PPP2R2A: variants seen among roughly 807,000 people sequenced by gnomAD.
PPP2R2A encodes serine/threonine-protein phosphatase 2A 55 kDa regulatory subunit B alpha isoform.
PPP2R2A carries 9 observed loss-of-function variants against 53.2 expected under a neutral mutation model. The ratio of observed to expected loss-of-function variants is 0.17; its 90% CI spans 0.10 to 0.30. PPP2R2A has a LOEUF of 0.30. Ranked by LOEUF, PPP2R2A falls within the 10% of genes least tolerant of loss-of-function variation. The pLI, the probability that PPP2R2A is intolerant of heterozygous loss-of-function variation, is 1.00. For synonymous variants in PPP2R2A, 169 were observed against 174.2 expected, an observed-to-expected ratio of 0.97 and a Z score of 0.23; for missense variants, 235 against 534.6, an observed-to-expected ratio of 0.44 and a Z score of 5.53.
intron 1 of PPP2R2A, 65 bp from the exon 2 acceptor site, chr8:26,293,601 C>T: frequency 6.1e-6 from 9 of 1,467,266 alleles, no homozygotes; most frequent in Non-Finnish European, 8.5e-6. Context: ...TGGATACCAT[C>T]TTTGTGTTTA....
chr8:26,307,700 T>C (rs998841865), intron 2 of PPP2R2A, among the ~76,000 whole-genome samples: 1 of 152,242 alleles, frequency 6.6e-6, no homozygotes, highest in Non-Finnish European at 1.5e-5. Flanking sequence ...GTCTGAGAAA[T>C]TTAAAAAATA....
At chr8:26,329,478 A>G (rs1174840989) in intron 2 of PPP2R2A, among the ~76,000 whole-genome samples, 1 of 152,094 alleles carries the variant, frequency 6.6e-6, no homozygotes, top group Non-Finnish European at 1.5e-5. Flanking sequence ...CATTCTCACC[A>G]TACCTTTTAT....
intron 3 of PPP2R2A, among the ~76,000 whole-genome samples, chr8:26,340,634 C>G (rs1206731115): frequency 6.6e-6 from 1 of 152,032 alleles, no homozygotes; most frequent in Non-Finnish European, 1.5e-5. Flanking sequence ...TAATTTGGAA[C>G]TATTTTGCCT....
At chr8:26,369,393 A>AT (rs576516853) in intron 9 of PPP2R2A, among the ~76,000 whole-genome samples, 342 of 143,360 alleles carry the variant, frequency 2.4e-3, no homozygotes, top group Admixed American at 3.9e-3. Flanking sequence ...CACCCAGCTA[A>AT]TTTTTTTTTT....
At chr8:26,305,456 G>A (rs753463587) in intron 2 of PPP2R2A, among the ~76,000 whole-genome samples, 4 of 152,118 alleles carry the variant, frequency 2.6e-5, no homozygotes, top group Non-Finnish European at 5.9e-5. Context: ...CAGTTTAAAG[G>A]ATTTAGAGAT....
In PPP2R2A at chr8:26,338,034, T is replaced by C. The variant is rs1317400008; in HGVS notation, c.83-856T>C. The stretch of plus-strand genomic sequence containing the variant: ...GTAGACCAGAGGATGTCTGTTCTTT[T>C]ATAAAGCTGATTTATTTTAAATGCA... On this transcript the variant is annotated intron_variant, in intron 2 of 9. Transcript: ENST00000380737. This position sits in a 1 kb window ranked among gnomAD's most constrained non-coding sequence, Gnocchi z 4.5. Among the ~76,000 whole-genome samples, 1 of 152,262 alleles carries C rather than the reference T, an allele frequency of 6.6e-6. No homozygotes were observed. Among genetic ancestry groups the C allele is most frequent in the Non-Finnish European group, 1.5e-5 (1 of 68,048 alleles).
rs1054329703 is a variant in PPP2R2A at position 26,362,953 on chromosome 8, G to A, written c.802+105G>A. 4 of 1,121,520 alleles carry A rather than the reference G, an allele frequency of 3.6e-6. No homozygotes were observed. In the South Asian group the frequency reaches 4.3e-5, roughly 12 times the overall value. 69.5% of individuals were successfully genotyped at this position (1,121,520 alleles called of 1,614,324 possible). ...TACAGAGGTTCAAAGTCTTAAACCC[G>A]TGTGTCCAGAGCCACTTGTACCCTT... On this transcript the variant is annotated intron_variant, in intron 7 of 9. Coordinates refer to ENST00000380737, the MANE Select transcript of PPP2R2A (RefSeq NM_002717.4). This position sits in a 1 kb window ranked among gnomAD's most constrained non-coding sequence, Gnocchi z 4.4.
rs148077226 is a variant in PPP2R2A, at chr8:26,308,857, A to AATAT, written c.82+15131_82+15134dup. Among the ~76,000 whole-genome samples the AATAT allele has an allele frequency of 8.7e-5, 13 of 149,608 alleles. No individual in the cohort carries two copies. In the South Asian group the frequency reaches 1.3e-3, roughly 15 times the overall value. On this transcript the variant is annotated intron_variant, in intron 2 of 9. Transcript: ENST00000380737. ...GTCTATGTCAGTTACAGCCTTACAA[A>AATAT]ATATATATATATATATACTTTTTTT...
At chr8:26,318,466 G>A (rs901654663) in intron 2 of PPP2R2A, among the ~76,000 whole-genome samples, 1 of 152,156 alleles carries the variant, frequency 6.6e-6, no homozygotes, top group African/African-American at 2.4e-5. Flanking sequence ...ATGAAATAAT[G>A]TGGCATGGGT....
intron 2 of PPP2R2A, among the ~76,000 whole-genome samples, chr8:26,294,721 A>AT (rs1197024913): frequency 6.6e-6 from 1 of 151,352 alleles, no homozygotes; most frequent in Non-Finnish European, 1.5e-5. Context: ...TGTTCTGGAG[A>AT]TTTTTTTTCA....
chr8:26,316,758 A>G (rs1468184732), intron 2 of PPP2R2A, among the ~76,000 whole-genome samples: 1 of 152,084 alleles, frequency 6.6e-6, no homozygotes, highest in Admixed American at 6.5e-5. Context: ...AGAAGGGACA[A>G]GGGCTTTCTC....
chr8:26,350,647 CCT>C (rs1391950913), intron 3 of PPP2R2A: 2 of 151,996 alleles, frequency 1.3e-5, no homozygotes, highest in African/African-American at 4.8e-5. Flanking sequence ...CTCAAGCAAT[CCT>C]CTGTCTTGGC....
chr8:26,294,282 A>G (rs1801442223), intron 2 of PPP2R2A, among the ~76,000 whole-genome samples: 1 of 152,184 alleles, frequency 6.6e-6, no homozygotes, highest in Non-Finnish European at 1.5e-5. Context: ...TCTGGTATTT[A>G]GGTGGATAAG....
rs150744483 is a variant in PPP2R2A at position 26,314,716 on chromosome 8, C to G, written c.82+20976C>G. ...CATTCTGTTTACTGATTTTTCCTTT[C>G]TGGATGATGTGCTTTGGTGTGGGTC... On this transcript the variant is annotated intron_variant, in intron 2 of 9. Coordinates refer to ENST00000380737, the MANE Select transcript of PPP2R2A (RefSeq NM_002717.4). 3.1e-3 allele frequency among the ~76,000 whole-genome samples: 478 copies of G among 152,258 alleles called. 1 individual carries two copies. Among genetic ancestry groups the G allele is most frequent in the African/African-American group, 0.011 (456 of 41,530 alleles).
In PPP2R2A at chr8:26,370,615, A is replaced by T; in HGVS notation, c.*202A>T. The T allele has an allele frequency of 1.6e-6, 1 of 639,372 alleles. No individual in the cohort carries two copies. The highest frequency in any genetic ancestry group is 2.6e-6 in the Non-Finnish European group (1 of 377,474). The allele number at this position is 639,372 out of a possible 1,614,324, so 39.6% of individuals were successfully genotyped here. The stretch of plus-strand genomic sequence containing the variant: ...GTGGTGTTCTCCATGTCTGCTAGCC[A>T]TTTAGGTAAGGGTAGGGCACTTTTA... On this transcript the variant is annotated 3_prime_UTR_variant, in exon 10 of 10. Coordinates refer to ENST00000380737, the MANE Select transcript of PPP2R2A (RefSeq NM_002717.4). This position sits in a 1 kb window ranked among gnomAD's most constrained non-coding sequence, Gnocchi z 6.1.
At chr8:26,308,815 C>T (rs955857269) in intron 2 of PPP2R2A, among the ~76,000 whole-genome samples, 1 of 152,112 alleles carries the variant, frequency 6.6e-6, no homozygotes, top group African/African-American at 2.4e-5. Context: ...TTGCCCAGAT[C>T]TTTAAGCGGA....
chr8:26,360,598 G>T lies in PPP2R2A; in HGVS notation c.459+317G>T. 7.1e-6 allele frequency: 2 copies of T among 281,828 alleles called. No homozygotes were observed. Among genetic ancestry groups the T allele is most frequent in the Non-Finnish European group, 1.3e-5 (2 of 153,984 alleles). 17.5% of individuals were successfully genotyped at this position (281,828 alleles called of 1,614,324 possible). A position where few individuals can be genotyped will look rare whatever the true frequency, so the allele number is the denominator to read the frequency against. Reference sequence around the variant, plus strand: ...ATTTTCTTTGGAAATCAAAAAAGTAGATACAGATCAAATCTTCTAGTTGTA... The same window carrying T: ...ATTTTCTTTGGAAATCAAAAAAGTATATACAGATCAAATCTTCTAGTTGTA... On this transcript the variant is annotated intron_variant, in intron 5 of 9. Coordinates refer to ENST00000380737, the MANE Select transcript of PPP2R2A (RefSeq NM_002717.4). The surrounding 1 kb of genome is among the most constrained non-coding windows in gnomAD (Gnocchi z 4.5).
intron 2 of PPP2R2A, among the ~76,000 whole-genome samples, chr8:26,315,376 G>A (rs942232057): frequency 7.9e-5 from 12 of 152,160 alleles, no homozygotes; most frequent in African/African-American, 2.9e-4. Flanking sequence ...AGTGGGATGG[G>A]TCACATCTTA....
rs142546346 is a variant in PPP2R2A, at chr8:26,367,123, C to T, written c.1064+717C>T. On this transcript the variant is annotated intron_variant, in intron 9 of 9. Transcript: ENST00000380737. ...TTTATCACAGAGCTTAATATGATTC[C>T]GATTTCATGGTGTTGTGTGTTACAG... is the stretch of plus-strand genomic sequence containing the variant. Among the ~76,000 whole-genome samples, 63 of 152,134 alleles carry T rather than the reference C, an allele frequency of 4.1e-4. 1 individual carries two copies. Among genetic ancestry groups the T allele is most frequent in the African/African-American group, 1.2e-3 (49 of 41,496 alleles).
Sources: gnomAD v4.1 joint callset for allele counts (sites outside exome capture counted in the v4.1 genomes callset) on GRCh38, gnomAD v4.1.1 for gene constraint, Gnocchi (gnomAD v3.1) non-coding constraint, MANE v1.5 for transcripts, NCBI Gene and HGNC (gene_info 2026-07-23, HGNC 2026-07-21) for gene names.